Variants in UBE2E2 observed in about 807,000 individuals in gnomAD.
The protein encoded by UBE2E2 is ubiquitin conjugating enzyme E2 E2, also known as ubiquitin-conjugating enzyme E2 E2.
Under a neutral mutation model 24.7 loss-of-function variants are expected in UBE2E2, and 6 were observed. The observed-to-expected ratio is 0.24, with a 90% CI of 0.13 to 0.48. The LOEUF is 0.48. UBE2E2 is among the 20% of genes least tolerant of loss of function. The pLI is 0.99. For missense variants in UBE2E2, 169 were observed against 245.0 expected (o/e 0.69, Z 2.07); for synonymous variants, 104 against 83.6 (o/e 1.24, Z -1.33).
chr3:23,547,550 A>G (rs1695551103), intron 5 of UBE2E2, among the ~76,000 whole-genome samples: 2 of 152,212 alleles, frequency 1.3e-5, no homozygotes, highest in African/African-American at 2.4e-5. Flanking sequence ...TTATTGGTAA[A>G]TGGAGTCATT....
At chr3:23,461,040 A>G (rs1043066524) in intron 3 of UBE2E2, among the ~76,000 whole-genome samples, 2 of 152,182 alleles carry the variant, frequency 1.3e-5, no homozygotes, top group African/African-American at 2.4e-5. Context: ...GAATGGGAGA[A>G]CCCCAGTGTA....
chr3:23,397,965 T>C (rs996686255), intron 3 of UBE2E2, among the ~76,000 whole-genome samples: 3 of 152,108 alleles, frequency 2.0e-5, no homozygotes, highest in Non-Finnish European at 4.4e-5. Flanking sequence ...TTCTCCTCGG[T>C]CTGTTATATA....
At chr3:23,218,051 G>A (rs1205727977) in intron 3 of UBE2E2, among the ~76,000 whole-genome samples, 1 of 152,058 alleles carries the variant, frequency 6.6e-6, no homozygotes, top group Non-Finnish European at 1.5e-5. Flanking sequence ...TTGGAACCAG[G>A]CCAACCTGGA....
At chr3:23,298,500 G>A (rs1698976303) in intron 3 of UBE2E2, among the ~76,000 whole-genome samples, 1 of 152,176 alleles carries the variant, frequency 6.6e-6, no homozygotes, top group African/African-American at 2.4e-5. Context: ...AGCATGAAGA[G>A]TTGTTGAATT....
chr3:23,223,194 ATTT>A (rs35538160), intron 3 of UBE2E2, among the ~76,000 whole-genome samples: 2 of 122,822 alleles, frequency 1.6e-5, no homozygotes, highest in African/African-American at 3.1e-5. Flanking sequence ...TGATTTTTGT[ATTT>A]TTTTTTTTTT....
At chr3:23,352,353 A>T (rs1361262729) in intron 3 of UBE2E2, among the ~76,000 whole-genome samples, 1 of 152,174 alleles carries the variant, frequency 6.6e-6, no homozygotes, top group Non-Finnish European at 1.5e-5. Flanking sequence ...CACATTCAAA[A>T]CCTAGCAGAA....
chr3:23,249,594 G>C (rs1559455690), intron 3 of UBE2E2, among the ~76,000 whole-genome samples: 1 of 151,928 alleles, frequency 6.6e-6, no homozygotes, highest in East Asian at 1.9e-4. Flanking sequence ...TAAATGTGTA[G>C]ATTAAAATTC....
At chr3:23,455,581 A>C (rs1575641508) in intron 3 of UBE2E2, among the ~76,000 whole-genome samples, 2 of 152,078 alleles carry the variant, frequency 1.3e-5, no homozygotes, top group East Asian at 3.9e-4. Flanking sequence ...CTAATTTTTT[A>C]AGTTTTCAGC....
chr3:23,412,797 C>A (rs573131038), intron 3 of UBE2E2, among the ~76,000 whole-genome samples: 5 of 152,242 alleles, frequency 3.3e-5, no homozygotes, highest in African/African-American at 1.2e-4. Context: ...ATCCTCAGGC[C>A]TCACCCCACA....
chr3:23,303,839 T>A (rs916950099), intron 3 of UBE2E2, among the ~76,000 whole-genome samples: 6 of 152,204 alleles, frequency 3.9e-5, no homozygotes, highest in African/African-American at 1.4e-4. Flanking sequence ...TGACCATTCT[T>A]GGCCTTTTAA....
At chr3:23,261,825 TCCA>T (rs1575513188) in intron 3 of UBE2E2, among the ~76,000 whole-genome samples, 2 of 152,190 alleles carry the variant, frequency 1.3e-5, no homozygotes, top group East Asian at 3.8e-4. Flanking sequence ...TGAATAATAT[TCCA>T]TTTTATTGAT....
chr3:23,291,899 C>T (rs543084156), intron 3 of UBE2E2, among the ~76,000 whole-genome samples: 1 of 128,292 alleles, frequency 7.8e-6, no homozygotes, highest in South Asian at 2.5e-4. Flanking sequence ...CGCTCTTTGG[C>T]CCAGGCCAGA....
chr3:23,574,198 A>C (rs952167800), intron 5 of UBE2E2, among the ~76,000 whole-genome samples: 1 of 152,144 alleles, frequency 6.6e-6, no homozygotes, highest in African/African-American at 2.4e-5. Flanking sequence ...GAAGATAGAG[A>C]GTAGAAGAAT....
At chr3:23,563,011 A>G (rs1695973075) in intron 5 of UBE2E2, among the ~76,000 whole-genome samples, 1 of 152,008 alleles carries the variant, frequency 6.6e-6, no homozygotes, top group African/African-American at 2.4e-5. Flanking sequence ...TGATCTTTTC[A>G]AAAAACCAGC....
At chr3:23,320,740 A>T (rs989653816) in intron 3 of UBE2E2, among the ~76,000 whole-genome samples, 1 of 152,108 alleles carries the variant, frequency 6.6e-6, no homozygotes, top group African/African-American at 2.4e-5. Flanking sequence ...ACTACTAGGG[A>T]TTATTGTGGC....
intron 3 of UBE2E2, among the ~76,000 whole-genome samples, chr3:23,440,216 G>T (rs1379069205): frequency 1.3e-5 from 2 of 152,144 alleles, no homozygotes; most frequent in Non-Finnish European, 2.9e-5. Flanking sequence ...GGAGGTTGCA[G>T]TGAGCCAAGA....
At chr3:23,401,691 T>C (rs1366260723) in intron 3 of UBE2E2, among the ~76,000 whole-genome samples, 2 of 151,966 alleles carry the variant, frequency 1.3e-5, no homozygotes, top group Non-Finnish European at 2.9e-5. Context: ...TGTATAAATA[T>C]ATATTTTTAG....
chr3:23,312,388 A>G (rs1432234222), intron 3 of UBE2E2, among the ~76,000 whole-genome samples: 2 of 152,198 alleles, frequency 1.3e-5, no homozygotes, highest in African/African-American at 4.8e-5. Flanking sequence ...TTTGTGTTAC[A>G]AACAATCCAG....
At chr3:23,521,353 T>C (rs1694861256) in intron 4 of UBE2E2, among the ~76,000 whole-genome samples, 1 of 152,220 alleles carries the variant, frequency 6.6e-6, no homozygotes, top group South Asian at 2.1e-4. Context: ...TATTACATGC[T>C]TTACATGGAA....
Sources: gnomAD v4.1 joint callset for allele counts (sites outside exome capture counted in the v4.1 genomes callset) on GRCh38, gnomAD v4.1.1 for gene constraint, MANE v1.5 for transcripts, NCBI Gene and HGNC (gene_info 2026-07-23, HGNC 2026-07-21) for gene names.